The following IPPK variants were observed in gnomAD, a reference collection of about 807,000 sequenced individuals.
IPPK encodes the protein IPK1 homolog.
A neutral mutation model predicts 64.6 loss-of-function variants in IPPK; 22 were observed. The ratio of observed to expected loss-of-function variants is 0.34; its 90% confidence interval spans 0.24 to 0.49. IPPK has a LOEUF of 0.49. Among genes scored for constraint, IPPK ranks in the 20% least tolerant of loss-of-function variants. The pLI, the probability that IPPK is intolerant of heterozygous loss-of-function variation, is 0.99. For synonymous variants in IPPK, 262 were observed against 247.2 expected (o/e 1.06, Z -0.56); for missense variants, 532 against 630.7 (o/e 0.84, Z 1.68).
At chr9:92,649,314 C>G in intron 5 of IPPK, 139 bp downstream of exon 5, 1 of 937,534 alleles carries the variant, frequency 1.1e-6, no homozygotes, top group South Asian at 1.6e-5. Flanking sequence ...AGGACAGAAA[C>G]AAGTGGAGTT....
Position 92,613,266 on chromosome 9 carries a change from A to G in IPPK, c.*2566T>C, listed in dbSNP as rs1281566597. 2.1e-5 allele frequency: 25 copies of G among 1,177,466 alleles called. No homozygotes were observed. Among genetic ancestry groups the G allele is most frequent in the Non-Finnish European group, 3.0e-5 (24 of 810,512 alleles). 72.9% of individuals were successfully genotyped at this position (1,177,466 alleles called of 1,614,324 possible). A position where few individuals can be genotyped will look rare whatever the true frequency, so the allele number is the denominator to read the frequency against. On this transcript the variant is annotated 3_prime_UTR_variant, in exon 13 of 13. Coordinates refer to ENST00000287996, the MANE Select transcript of IPPK (RefSeq NM_022755.6). The stretch of plus-strand genomic sequence containing the variant: ...ACCACACCCTGAAGACGTGCTGTCT[A>G]TGCAGTTATGGCACATTATATGGAA...
intron 2 of IPPK, among the ~76,000 whole-genome samples, chr9:92,658,218 C>G (rs896523588): frequency 1.3e-5 from 2 of 152,212 alleles, no homozygotes; most frequent in African/African-American, 4.8e-5. Flanking sequence ...CTAACGACCC[C>G]CTCCCACCAC....
chr9:92,655,755 T>C (rs1852360229), intron 3 of IPPK, among the ~76,000 whole-genome samples: 1 of 152,160 alleles, frequency 6.6e-6, no homozygotes, highest in Non-Finnish European at 1.5e-5. Flanking sequence ...AAAAACTGCA[T>C]GAATCTTCCT....
chr9:92,626,455 T>C (rs144859127), intron 11 of IPPK, among the ~76,000 whole-genome samples: 1 of 152,060 alleles, frequency 6.6e-6, no homozygotes, highest in African/African-American at 2.4e-5. Context: ...AATGGCAGAT[T>C]AGACACAGCT....
intron 2 of IPPK, 24 bp from the exon 3 acceptor site, chr9:92,656,575 G>A: frequency 6.6e-7 from 1 of 1,509,676 alleles, no homozygotes. Context: ...CCACAGGACA[G>A]CCTTCGTGAT....
intron 11 of IPPK, among the ~76,000 whole-genome samples, chr9:92,625,564 G>A (rs1047513255): frequency 1.4e-4 from 22 of 152,086 alleles, no homozygotes; most frequent in Non-Finnish European, 2.9e-4. Context: ...CCCTGAAACC[G>A]CTCCTTTTAA....
chr9:92,648,516 C>A (rs542402770), intron 5 of IPPK, among the ~76,000 whole-genome samples: 1 of 152,362 alleles, frequency 6.6e-6, no homozygotes, highest in South Asian at 2.1e-4. Context: ...ATTGTTCCCA[C>A]TGACACTAGC....
At chr9:92,629,579 T>C (rs545878986) in intron 11 of IPPK, among the ~76,000 whole-genome samples, 1 of 152,076 alleles carries the variant, frequency 6.6e-6, no homozygotes, top group East Asian at 1.9e-4. Flanking sequence ...TGGTGAAACC[T>C]TGTCGCTAAC....
At chr9:92,637,972 C>T (rs772315903) in intron 9 of IPPK, 29 bp downstream of exon 9, 180 of 1,503,680 alleles carry the variant, frequency 1.2e-4, no homozygotes, top group Admixed American at 1.7e-4. Context: ...GCGGCCCCCA[C>T]CGCCTACCTG....
At chr9:92,623,736 T>C (rs751429404) in intron 11 of IPPK, among the ~76,000 whole-genome samples, 58 of 152,214 alleles carry the variant, frequency 3.8e-4, no homozygotes, top group Non-Finnish European at 2.9e-4. Flanking sequence ...GTGTAAGAGA[T>C]GGTGTGGAGC....
chr9:92,619,352 T>C (rs745368245), intron 12 of IPPK, 134 bp downstream of exon 12: 1 of 692,056 alleles, frequency 1.4e-6, no homozygotes, highest in Non-Finnish European at 2.6e-6. Context: ...TGATGTCACA[T>C]AGGCCAAGGA....
chr9:92,659,099 C>T (rs961845011), intron 1 of IPPK, among the ~76,000 whole-genome samples: 3 of 152,094 alleles, frequency 2.0e-5, no homozygotes, highest in East Asian at 1.9e-4. Context: ...AAAAAGTTAC[C>T]GAATGGGGCT....
intron 6 of IPPK, among the ~76,000 whole-genome samples, chr9:92,645,579 A>C (rs969615849): frequency 5.3e-5 from 8 of 152,134 alleles, no homozygotes; most frequent in African/African-American, 1.9e-4. Context: ...ACAAAGCCCA[A>C]GAGAGAATCT....
Position 92,619,422 on chromosome 9 carries a change from A to C in IPPK, c.1250+64T>G, listed in dbSNP as rs879036555. 4.6e-6 allele frequency: 6 copies of C among 1,304,980 alleles called. No homozygotes were observed. In the Admixed American group the frequency reaches 9.9e-5, roughly 21 times the overall value. The allele number at this position is 1,304,980 out of a possible 1,614,324, so 80.8% of individuals were successfully genotyped here. A position where few individuals can be genotyped will look rare whatever the true frequency, so the allele number is the denominator to read the frequency against. On this transcript the variant is annotated intron_variant, in intron 12 of 12. Coordinates refer to ENST00000287996, the MANE Select transcript of IPPK (RefSeq NM_022755.6). ...GGGGAAACCAACTATCCTATTAACAATTCACCAACTGTCCATAAAACCCCG... is the reference window on the plus strand; with the variant it reads ...GGGGAAACCAACTATCCTATTAACACTTCACCAACTGTCCATAAAACCCCG...
At chr9:92,627,199 T>C (rs1255975448) in intron 11 of IPPK, among the ~76,000 whole-genome samples, 1 of 151,986 alleles carries the variant, frequency 6.6e-6, no homozygotes, top group Non-Finnish European at 1.5e-5. Context: ...CTATAACAAT[T>C]AAAGAGAATG....
intron 1 of IPPK, among the ~76,000 whole-genome samples, chr9:92,666,975 G>C (rs1375353333): frequency 6.6e-6 from 1 of 152,160 alleles, no homozygotes; most frequent in Non-Finnish European, 1.5e-5. Context: ...GCTCCTTCTA[G>C]TGCTGACAGC....
intron 2 of IPPK, among the ~76,000 whole-genome samples, chr9:92,657,759 G>A (rs960932543): frequency 5.3e-5 from 8 of 151,898 alleles, no homozygotes; most frequent in African/African-American, 1.2e-4. Flanking sequence ...CCCCACCAAC[G>A]GCAGCTTTCT....
chr9:92,654,789 A>G (rs1482800229), intron 3 of IPPK, among the ~76,000 whole-genome samples: 1 of 152,200 alleles, frequency 6.6e-6, no homozygotes, highest in Non-Finnish European at 1.5e-5. Context: ...ACTGCTCAGA[A>G]GGACAAAGAG....
rs1408874756 is a variant in IPPK, at chr9:92,615,400, G to C, written c.*432C>G. 2 of 180,984 alleles carry C rather than the reference G, an allele frequency of 1.1e-5. No homozygotes were observed. Among genetic ancestry groups the C allele is most frequent in the Non-Finnish European group, 2.3e-5 (2 of 85,958 alleles). 11.2% of individuals were successfully genotyped at this position (180,984 alleles called of 1,614,324 possible). A position where few individuals can be genotyped will look rare whatever the true frequency, so the allele number is the denominator to read the frequency against. Reference sequence around the variant, plus strand: ...TGTAACTCAGCTGGGGGAAGTTCCAGTAGTATCCATGTTTTCTTAAAAGTC... The same window carrying C: ...TGTAACTCAGCTGGGGGAAGTTCCACTAGTATCCATGTTTTCTTAAAAGTC... On this transcript the variant is annotated 3_prime_UTR_variant, in exon 13 of 13. Coordinates refer to ENST00000287996, the MANE Select transcript of IPPK (RefSeq NM_022755.6).
Sources: allele counts gnomAD v4.1 joint callset (sites outside exome capture counted in the v4.1 genomes callset), GRCh38; gene constraint gnomAD v4.1.1; transcripts MANE v1.5; gene names NCBI Gene and HGNC (gene_info 2026-07-23, HGNC 2026-07-21).